Variants in ZBTB5 observed in about 807,000 individuals in gnomAD.
ZBTB5 encodes zinc finger and BTB domain containing 5.
In ZBTB5, 15 loss-of-function variants were observed where a neutral mutation model predicts 37.9. That is an observed-to-expected ratio of 0.40 (90% CI 0.26 to 0.61). The LOEUF (loss-of-function observed/expected upper bound fraction) is 0.61, where lower values mean the gene tolerates loss of function less well. Ranked by LOEUF, ZBTB5 falls within the 20% of genes least tolerant of loss-of-function variation. The pLI, the probability that ZBTB5 is intolerant of heterozygous loss-of-function variation, is 0.47. For missense variants in ZBTB5, 708 were observed against 856.8 expected (o/e 0.83, Z 2.17); for synonymous variants, 315 against 312.4 (o/e 1.01, Z -0.09).
intron 1 of ZBTB5, among the ~76,000 whole-genome samples, chr9:37,456,410 C>A (rs1824188776): frequency 6.6e-6 from 1 of 152,234 alleles, no homozygotes; most frequent in Admixed American, 6.5e-5. Flanking sequence ...CCAGACCTGT[C>A]AGCATGACTA....
At chr9:37,464,192 G>A (rs1334363915) in intron 1 of ZBTB5, among the ~76,000 whole-genome samples, 1 of 152,120 alleles carries the variant, frequency 6.6e-6, no homozygotes, top group Non-Finnish European at 1.5e-5. Context: ...CCCATACTAG[G>A]ACAACAAATT....
chr9:37,441,720 T>A lies in ZBTB5; in HGVS notation c.832A>T (p.Asn278Tyr). 1.2e-6 allele frequency: 2 copies of A among 1,613,976 alleles called. No individual in the cohort carries two copies. Among genetic ancestry groups the A allele is most frequent in the Non-Finnish European group, 1.7e-6 (2 of 1,179,976 alleles). The change falls in exon 2 of 2, where the codon AAC (asparagine) becomes TAC (tyrosine). Residue 278 changes from asparagine to tyrosine, a missense_variant. Physicochemically the swap from Asn to Tyr is moderately radical, Grantham distance 143. Around this residue, in one of 3 missense-constraint regions of ZBTB5, gnomAD observed 639 missense variants for 690.5 expected, o/e 0.93. Transcript: ENST00000307750. ...EDAQVPSQSD[N>Y]SAGNMAQLSM... ...AACTGTGCCATGTTGCCAGCACTGT[T>A]ATCAGACTGGCTGGGCACCTGGGCA...
chr9:37,450,128 CGGCT>C (rs1564312061), intron 1 of ZBTB5, among the ~76,000 whole-genome samples: 1 of 152,066 alleles, frequency 6.6e-6, no homozygotes, highest in African/African-American at 2.4e-5. Flanking sequence ...ATTCTGCCAC[CGGCT>C]GGTCGTTTCC....
At chr9:37,459,054 ATATTT>A (rs908220293) in intron 1 of ZBTB5, among the ~76,000 whole-genome samples, 2 of 152,328 alleles carry the variant, frequency 1.3e-5, no homozygotes, top group African/African-American at 4.8e-5. Flanking sequence ...GTTTTTTGGT[ATATTT>A]TAATCAAAAT....
intron 1 of ZBTB5, among the ~76,000 whole-genome samples, chr9:37,457,802 G>T (rs1225884426): frequency 6.6e-6 from 1 of 152,184 alleles, no homozygotes; most frequent in Non-Finnish European, 1.5e-5. Context: ...CAGAGGTAAA[G>T]GTGGAGAAGG....
At chr9:37,442,855 G>A (rs952845872) in intron 1 of ZBTB5, among the ~76,000 whole-genome samples, 9 of 152,204 alleles carry the variant, frequency 5.9e-5, no homozygotes, top group African/African-American at 1.9e-4. Context: ...GTGTGTGAGT[G>A]ATGGCATATC....
intron 1 of ZBTB5, among the ~76,000 whole-genome samples, chr9:37,462,423 T>A (rs529534882): frequency 6.6e-6 from 1 of 152,184 alleles, no homozygotes; most frequent in Non-Finnish European, 1.5e-5. Flanking sequence ...ACGGACCAGA[T>A]TGAGAACCTG....
chr9:37,456,073 C>G (rs1332335015), intron 1 of ZBTB5, among the ~76,000 whole-genome samples: 1 of 152,040 alleles, frequency 6.6e-6, no homozygotes, highest in Admixed American at 6.6e-5. Flanking sequence ...ACCTCAGCCT[C>G]CTGGGTAGCT....
intron 1 of ZBTB5, among the ~76,000 whole-genome samples, chr9:37,451,724 A>G (rs1824107997): frequency 6.6e-6 from 1 of 152,148 alleles, no homozygotes; most frequent in African/African-American, 2.4e-5. Flanking sequence ...TCCTTAAAAG[A>G]GTTTTTAAGG....
In ZBTB5 at chr9:37,442,025, C is replaced by T. The variant is rs201997266; in HGVS notation, c.527G>A (p.Arg176His). 2.2e-5 allele frequency: 35 copies of T among 1,613,778 alleles called. No individual in the cohort carries two copies. Among genetic ancestry groups the T allele is most frequent in the Middle Eastern group, 1.6e-4 (1 of 6,062 alleles). ...EQPAPMSSSM[R>H]SNLDQRTPFP... The stretch of plus-strand genomic sequence containing the variant: ...GGGCGTGCGCTGATCCAGGTTACTG[C>T]GCATGGAAGAGCTCATGGGGGCTGG... The change falls in exon 2 of 2, where the codon CGC becomes CAC. Residue 176 changes from arginine to histidine, a missense_variant. By Grantham distance (29) the Arg-to-His change is conservative. This residue lies in a region of ZBTB5 where 639 missense variants were observed against 690.5 expected (regional missense o/e 0.93). Transcript: ENST00000307750.
intron 1 of ZBTB5, among the ~76,000 whole-genome samples, chr9:37,455,700 G>A (rs1824174598): frequency 2.6e-5 from 4 of 152,326 alleles, no homozygotes; most frequent in African/African-American, 4.8e-5. Flanking sequence ...CACGTCCTGC[G>A]AGGGGGGTTC....
At chr9:37,445,619 C>T (rs1221981624) in intron 1 of ZBTB5, among the ~76,000 whole-genome samples, 2 of 149,836 alleles carry the variant, frequency 1.3e-5, no homozygotes, top group Admixed American at 1.3e-4. Flanking sequence ...GCACTCTAAT[C>T]TGGGAGACAG....
In ZBTB5 at chr9:37,442,435, G is replaced by A. The variant is rs780169669; in HGVS notation, c.117C>T (p.Arg39=). The change falls in exon 2 of 2, where the codon CGC becomes CGT. Residue 39 remains arginine, a synonymous_variant. Coordinates refer to ENST00000307750, the MANE Select transcript of ZBTB5 (RefSeq NM_014872.3). The part of the protein sequence containing the change: ...VVGNRHFKAH[R]SVLAACSTHF... Reference sequence around the variant, plus strand: ...GCGTGCTGCATGCTGCCAGCACGGAGCGGTGGGCTTTAAAGTGTCTATTCC... The same window carrying A: ...GCGTGCTGCATGCTGCCAGCACGGAACGGTGGGCTTTAAAGTGTCTATTCC... 8 of 1,614,144 alleles carry A rather than the reference G, an allele frequency of 5.0e-6. No individual in the cohort carries two copies. Among genetic ancestry groups the A allele is most frequent in the Non-Finnish European group, 6.8e-6 (8 of 1,180,034 alleles).
chr9:37,441,608 GGGT>G lies in ZBTB5; in HGVS notation c.941_943del (p.Asn314_Pro315delinsThr). ...CTCCTTCTCACCAAGGCCAACCTCA[GGGT>G]TTTCACACTGAAAACTACTTTTCTC... On this transcript the variant is annotated inframe_deletion, in exon 2 of 2. Coordinates refer to ENST00000307750, the MANE Select transcript of ZBTB5 (RefSeq NM_014872.3). 2 of 1,613,026 alleles carry G rather than the reference GGGT, an allele frequency of 1.2e-6. No individual in the cohort carries two copies. The highest frequency in any genetic ancestry group is 1.7e-6 in the Non-Finnish European group (2 of 1,179,922).
At chr9:37,444,687 C>A (rs1484620403) in intron 1 of ZBTB5, among the ~76,000 whole-genome samples, 2 of 152,124 alleles carry the variant, frequency 1.3e-5, no homozygotes, top group Admixed American at 6.5e-5. Flanking sequence ...TCAAAATTAT[C>A]CAAGAAAATG....
chr9:37,442,223 G>C lies in ZBTB5; in HGVS notation c.329C>G (p.Ser110Cys). The C allele has an allele frequency of 6.2e-7, 1 of 1,614,238 alleles. No homozygotes were observed. The highest frequency in any genetic ancestry group is 8.5e-7 in the Non-Finnish European group (1 of 1,180,052). The change falls in exon 2 of 2, where the codon TCT becomes TGT. Residue 110 changes from serine (S) to cysteine (C), a missense_variant. Transcript: ENST00000307750. ...LLAASHLHLN[S>C]VVKACKHYLT... ...GTAATGTTTACATGCCTTAACAACAGAGTTCAAATGCAGGTGAGAGGCTGC... is the reference window on the plus strand; with the variant it reads ...GTAATGTTTACATGCCTTAACAACACAGTTCAAATGCAGGTGAGAGGCTGC...
intron 1 of ZBTB5, among the ~76,000 whole-genome samples, chr9:37,463,531 A>C (rs1239594046): frequency 6.6e-6 from 1 of 152,222 alleles, no homozygotes; most frequent in Non-Finnish European, 1.5e-5. Flanking sequence ...AGGTTTTGTC[A>C]ATTTCACTGA....
chr9:37,462,963 C>T (rs1824321962), intron 1 of ZBTB5, among the ~76,000 whole-genome samples: 1 of 152,082 alleles, frequency 6.6e-6, no homozygotes, highest in Admixed American at 6.6e-5. Flanking sequence ...AAGAGACCAC[C>T]CCCTGCATGC....
chr9:37,458,140 G>A (rs555413278), intron 1 of ZBTB5, among the ~76,000 whole-genome samples: 110 of 152,350 alleles, frequency 7.2e-4, no homozygotes, highest in Non-Finnish European at 1.3e-3. Flanking sequence ...GGCTGGATAC[G>A]TAAGATTGAA....
Sources: allele counts gnomAD v4.1 joint callset (sites outside exome capture counted in the v4.1 genomes callset), GRCh38; gene constraint gnomAD v4.1.1; regional missense constraint gnomAD v4.1.1; transcripts MANE v1.5; gene names NCBI Gene and HGNC (gene_info 2026-07-23, HGNC 2026-07-21).